Variants in ADGRL3 observed in about 807,000 individuals in gnomAD.
ADGRL3 encodes the protein calcium-independent alpha-latrotoxin receptor 3.
ADGRL3 carries 62 observed loss-of-function variants against 153.5 expected under a neutral mutation model. The ratio of observed to expected loss-of-function variants is 0.40; its 90% CI spans 0.33 to 0.50. ADGRL3 has a LOEUF of 0.50. Among genes scored for constraint, ADGRL3 ranks in the 20% least tolerant of loss-of-function variants. The pLI, the probability that ADGRL3 is intolerant of heterozygous loss-of-function variation, is 0.47. For missense variants in ADGRL3, 1,641 were observed against 1,859.4 expected (o/e 0.88, Z 2.16); for synonymous variants, 710 against 672.5 (o/e 1.06, Z -0.86).
intron 8 of ADGRL3, among the ~76,000 whole-genome samples, chr4:61,738,902 C>A (rs1374247540): frequency 6.6e-6 from 1 of 152,134 alleles, no homozygotes; most frequent in South Asian, 2.1e-4. Flanking sequence ...TGAAAAAAAT[C>A]GTTAATTGGC....
intron 8 of ADGRL3, among the ~76,000 whole-genome samples, chr4:61,786,959 C>T (rs940395054): frequency 2.0e-5 from 3 of 152,150 alleles, no homozygotes; most frequent in Admixed American, 1.3e-4. Flanking sequence ...ACTTGTCACA[C>T]TGCTAATACT....
chr4:61,302,050 T>C (rs2094595673), intron 1 of ADGRL3, among the ~76,000 whole-genome samples: 1 of 152,200 alleles, frequency 6.6e-6, no homozygotes, highest in Non-Finnish European at 1.5e-5. Flanking sequence ...GTTTGTATTA[T>C]AATCCCTGGT....
intron 2 of ADGRL3, among the ~76,000 whole-genome samples, chr4:61,472,357 T>C (rs1452460973): frequency 6.6e-6 from 1 of 152,098 alleles, no homozygotes; most frequent in African/African-American, 2.4e-5. Context: ...TGACTCAGTG[T>C]TTCTTATGAG....
chr4:62,006,326 A>T (rs1007931424), intron 21 of ADGRL3, among the ~76,000 whole-genome samples: 1 of 151,818 alleles, frequency 6.6e-6, no homozygotes, highest in Non-Finnish European at 1.5e-5. Flanking sequence ...CCCAGCCTAC[A>T]TTTTTATGTA....
At chr4:61,646,980 G>T (rs1216130871) in intron 5 of ADGRL3, among the ~76,000 whole-genome samples, 1 of 152,206 alleles carries the variant, frequency 6.6e-6, no homozygotes, top group African/African-American at 2.4e-5. Context: ...ATCTCCTGGT[G>T]CGCCGTTTTT....
chr4:61,369,004 G>C (rs1333208086), intron 1 of ADGRL3, among the ~76,000 whole-genome samples: 1 of 152,150 alleles, frequency 6.6e-6, no homozygotes, highest in African/African-American at 2.4e-5. Context: ...GTGAATGGGA[G>C]TTCACTCATT....
intron 4 of ADGRL3, among the ~76,000 whole-genome samples, chr4:61,553,886 G>A (rs1450918215): frequency 6.6e-6 from 1 of 151,976 alleles, no homozygotes; most frequent in Non-Finnish European, 1.5e-5. Context: ...TTTTAAATTA[G>A]CTTATGCAAA....
intron 8 of ADGRL3, among the ~76,000 whole-genome samples, chr4:61,744,916 C>T (rs187799569): frequency 4.5e-4 from 69 of 152,154 alleles, no homozygotes; most frequent in Admixed American, 1.7e-3. Context: ...CAAACTACTC[C>T]GAGCTACAGG....
At chr4:61,696,089 T>C (rs187248787) in intron 6 of ADGRL3, among the ~76,000 whole-genome samples, 1 of 152,382 alleles carries the variant, frequency 6.6e-6, no homozygotes. Context: ...GCAATAAGGC[T>C]GTTTTGCTTT....
intron 9 of ADGRL3, among the ~76,000 whole-genome samples, chr4:61,826,577 G>A (rs1014711512): frequency 6.6e-6 from 1 of 152,060 alleles, no homozygotes; most frequent in African/African-American, 2.4e-5. Context: ...AATCATGCAG[G>A]GTCTTGTAAG....
intron 4 of ADGRL3, among the ~76,000 whole-genome samples, chr4:61,529,227 A>T (rs1272974101): frequency 6.6e-6 from 1 of 152,194 alleles, no homozygotes; most frequent in Non-Finnish European, 1.5e-5. Context: ...TATTCTAAGT[A>T]CATCTTATGA....
chr4:61,344,665 A>G (rs2095866093), intron 1 of ADGRL3, among the ~76,000 whole-genome samples: 1 of 152,174 alleles, frequency 6.6e-6, no homozygotes, highest in Non-Finnish European at 1.5e-5. Flanking sequence ...GTCATTAAGT[A>G]ATAAAATGAT....
intron 25 of ADGRL3, among the ~76,000 whole-genome samples, chr4:62,061,581 T>C (rs2151863281): frequency 6.6e-6 from 1 of 152,146 alleles, no homozygotes; most frequent in African/African-American, 2.4e-5. Flanking sequence ...GGATGCGTCA[T>C]GTTGTCCTTT....
At chr4:61,676,677 G>T (rs1214261281) in intron 5 of ADGRL3, 149 bp from the exon 6 acceptor site, 1 of 615,968 alleles carries the variant, frequency 1.6e-6, no homozygotes, top group Non-Finnish European at 3.0e-6. Flanking sequence ...GTGTACTACA[G>T]ATATTTTCTT....
At chr4:61,309,412 T>G (rs957360034) in intron 1 of ADGRL3, among the ~76,000 whole-genome samples, 2 of 152,196 alleles carry the variant, frequency 1.3e-5, no homozygotes, top group Admixed American at 1.3e-4. Context: ...TACAAGCACC[T>G]TATTTACTCA....
At chr4:61,407,473 A>G (rs1225470485) in intron 2 of ADGRL3, among the ~76,000 whole-genome samples, 1 of 152,120 alleles carries the variant, frequency 6.6e-6, no homozygotes, top group African/African-American at 2.4e-5. Context: ...TCAAACTTCA[A>G]TGTTGGTGGT....
intron 1 of ADGRL3, among the ~76,000 whole-genome samples, chr4:61,373,922 T>C (rs2096571739): frequency 1.3e-5 from 2 of 152,170 alleles, no homozygotes; most frequent in Admixed American, 1.3e-4. Context: ...TTTATGTCTA[T>C]AACATATAGA....
intron 1 of ADGRL3, among the ~76,000 whole-genome samples, chr4:61,255,799 T>C (rs953011671): frequency 1.3e-5 from 2 of 152,172 alleles, no homozygotes; most frequent in Admixed American, 6.5e-5. Flanking sequence ...TCACGGTTAG[T>C]GTAGGCAGGG....
chr4:61,292,972 T>G (rs893001581), intron 1 of ADGRL3, among the ~76,000 whole-genome samples: 7 of 152,102 alleles, frequency 4.6e-5, no homozygotes, highest in African/African-American at 1.7e-4. Context: ...CAAAGGAACA[T>G]AAAAAGGGAT....
Sources: gnomAD v4.1 joint callset for allele counts (sites outside exome capture counted in the v4.1 genomes callset) on GRCh38, gnomAD v4.1.1 for gene constraint, MANE v1.5 for transcripts, NCBI Gene and HGNC (gene_info 2026-07-23, HGNC 2026-07-21) for gene names.